The following NUP93 variants were observed in gnomAD, a reference collection of about 807,000 sequenced individuals.
The protein encoded by NUP93 is nuclear pore complex protein Nup93.
NUP93 carries 55 observed loss-of-function variants against 107.8 expected under a neutral mutation model. The observed-to-expected ratio is 0.51, with a 90% CI of 0.41 to 0.64. NUP93 has a LOEUF of 0.64. Among genes scored for constraint, NUP93 ranks in the 30% least tolerant of loss-of-function variants. NUP93 has a pLI of 0.00. For synonymous variants in NUP93, 390 were observed against 397.5 expected (o/e 0.98, Z 0.22); for missense variants, 937 against 1,044.7 (o/e 0.90, Z 1.42).
intron 1 of NUP93, among the ~76,000 whole-genome samples, chr16:56,747,347 T>G (rs1271147211): frequency 6.6e-6 from 1 of 152,208 alleles, no homozygotes; most frequent in Non-Finnish European, 1.5e-5. Flanking sequence ...TAATTAGTGG[T>G]AGGAGTTAAA....
At chr16:56,806,996 C>T (rs748718354) in intron 5 of NUP93, among the ~76,000 whole-genome samples, 1 of 152,212 alleles carries the variant, frequency 6.6e-6, no homozygotes, top group African/African-American at 2.4e-5. Flanking sequence ...GATTGTGTCA[C>T]TTCTCTGCTC....
intron 3 of NUP93, among the ~76,000 whole-genome samples, chr16:56,769,413 C>T (rs1315272412): frequency 6.6e-6 from 1 of 152,062 alleles, no homozygotes; most frequent in Non-Finnish European, 1.5e-5. Flanking sequence ...TGAACTCTTG[C>T]GGAGCGTTGG....
At chr16:56,752,468 T>TG (rs1567376114) in intron 2 of NUP93, among the ~76,000 whole-genome samples, 3 of 152,146 alleles carry the variant, frequency 2.0e-5, no homozygotes, top group African/African-American at 7.2e-5. Flanking sequence ...AGGTAAAAAA[T>TG]GCAGGGTAGA....
chr16:56,805,766 G>T, intron 5 of NUP93, 134 bp downstream of exon 5: 1 of 993,628 alleles, frequency 1.0e-6, no homozygotes, highest in Non-Finnish European at 1.5e-6. Context: ...TTAGCTTTTA[G>T]GATGCCGCAT....
chr16:56,815,908 C>G (rs77636705), intron 5 of NUP93, among the ~76,000 whole-genome samples: 2 of 150,312 alleles, frequency 1.3e-5, no homozygotes, highest in East Asian at 2.0e-4. Context: ...GGTGCTGCTG[C>G]TGCTGCTGGT....
intron 4 of NUP93, among the ~76,000 whole-genome samples, chr16:56,804,735 C>G (rs1262516288): frequency 6.6e-6 from 1 of 151,868 alleles, no homozygotes; most frequent in African/African-American, 2.4e-5. Flanking sequence ...ATGGTGAAAC[C>G]CCGTCTCTAG....
In NUP93 at chr16:56,846,137, T is replaced by G. The variant is rs923434494; in HGVS notation, c.*1528T>G. ...TTAAAAAAGAGTACTCCTGGCCGGG[T>G]GGGGTGGCTCACACCTGTAATCCTA... On this transcript the variant is annotated 3_prime_UTR_variant, in exon 22 of 22. Transcript: ENST00000308159. The G allele has an allele frequency of 6.6e-6, 1 of 152,160 alleles. No individual in the cohort carries two copies. Among genetic ancestry groups the G allele is most frequent in the Non-Finnish European group, 1.5e-5 (1 of 68,036 alleles). 9.4% of individuals were successfully genotyped at this position (152,160 alleles called of 1,614,324 possible).
chr16:56,813,765 T>C (rs1963363174), intron 5 of NUP93, among the ~76,000 whole-genome samples: 1 of 152,260 alleles, frequency 6.6e-6, no homozygotes, highest in South Asian at 2.1e-4. Flanking sequence ...TTTTGCATTA[T>C]GTTTTTTGTT....
intron 10 of NUP93, among the ~76,000 whole-genome samples, chr16:56,831,284 G>A (rs748411404): frequency 2.0e-5 from 3 of 152,144 alleles, no homozygotes; most frequent in Non-Finnish European, 2.9e-5. Context: ...AAATGATGGC[G>A]GTTACTGTAG....
intron 1 of NUP93, among the ~76,000 whole-genome samples, chr16:56,736,047 G>T (rs1961607753): frequency 6.6e-6 from 1 of 152,108 alleles, no homozygotes; most frequent in Admixed American, 6.6e-5. Flanking sequence ...ATCTGTTTAG[G>T]AGCTGGGTGC....
intron 5 of NUP93, among the ~76,000 whole-genome samples, chr16:56,809,529 C>G (rs1171645767): frequency 6.6e-6 from 1 of 151,848 alleles, no homozygotes; most frequent in African/African-American, 2.4e-5. Flanking sequence ...TTTTTTTCCC[C>G]CGAAGTTGTT....
At chr16:56,771,144 G>C (rs894268089) in intron 3 of NUP93, among the ~76,000 whole-genome samples, 1 of 152,152 alleles carries the variant, frequency 6.6e-6, no homozygotes, top group East Asian at 1.9e-4. Context: ...GGAAGATTTA[G>C]GGGGAAGTAA....
Position 56,760,433 on chromosome 16 carries a change from G to A in NUP93, c.297+1778G>A, listed in dbSNP as rs547798985. ...ATATATAAAGAAAGAGGTTCAATTGGCTCACGGTTCTGCAGGCTGTACAAG... is the reference window on the plus strand; with the variant it reads ...ATATATAAAGAAAGAGGTTCAATTGACTCACGGTTCTGCAGGCTGTACAAG... On this transcript the variant is annotated intron_variant, in intron 3 of 21. Transcript: ENST00000308159. 3.3e-5 allele frequency among the ~76,000 whole-genome samples: 5 copies of A among 152,244 alleles called. No individual in the cohort carries two copies. The South Asian group carries it at 1.0e-3, about 32-fold the overall frequency.
chr16:56,837,842 AGTG>A, intron 18 of NUP93, 116 bp downstream of exon 18: 1 of 718,182 alleles, frequency 1.4e-6, no homozygotes, highest in Non-Finnish European at 2.4e-6. Context: ...AGCTTTCCAA[AGTG>A]GTTCTACTAA....
At chr16:56,815,865 A>ACTGCTGCTGCTACTGCTG (rs377305197) in intron 5 of NUP93, among the ~76,000 whole-genome samples, 214 of 147,070 alleles carry the variant, frequency 1.5e-3, no homozygotes, top group East Asian at 0.011. Context: ...TACTACTGCT[A>ACTGCTGCTGCTACTGCTG]CTGCTGCTGC....
At chr16:56,812,257 A>C (rs1291777718) in intron 5 of NUP93, among the ~76,000 whole-genome samples, 1 of 152,132 alleles carries the variant, frequency 6.6e-6, no homozygotes, top group Non-Finnish European at 1.5e-5. Flanking sequence ...TTTCTGAAAC[A>C]TGTTTTTCCC....
intron 3 of NUP93, among the ~76,000 whole-genome samples, chr16:56,777,464 T>C (rs186454381): frequency 3.3e-5 from 5 of 152,202 alleles, no homozygotes; most frequent in African/African-American, 9.6e-5. Flanking sequence ...GAATGAACTG[T>C]AATTTGTTTT....
In NUP93 at chr16:56,837,763, G is replaced by T. The variant is rs780105037; in HGVS notation, c.2018+37G>T. 9 of 1,493,808 alleles carry T rather than the reference G, an allele frequency of 6.0e-6. No individual in the cohort carries two copies. In the South Asian group the frequency reaches 1.0e-4, roughly 17 times the overall value. The allele number at this position is 1,493,808 out of a possible 1,614,324, so 92.5% of individuals were successfully genotyped here. A position where few individuals can be genotyped will look rare whatever the true frequency, so the allele number is the denominator to read the frequency against. On this transcript the variant is annotated intron_variant, in intron 18 of 21. Coordinates refer to ENST00000308159, the MANE Select transcript of NUP93 (RefSeq NM_014669.5). ...GCTGGCTCCATGGGACCCTGAGGGTGCCACTGCCAGTGCCAGGCCACCTAT... is the reference window on the plus strand; with the variant it reads ...GCTGGCTCCATGGGACCCTGAGGGTTCCACTGCCAGTGCCAGGCCACCTAT...
At chr16:56,736,258 G>A (rs78741178) in intron 1 of NUP93, among the ~76,000 whole-genome samples, 5,228 of 152,210 alleles carry the variant, frequency 0.034, 122 homozygotes, top group East Asian at 0.075. Flanking sequence ...GCTTGAAACC[G>A]GGAGGTGGAG....
Sources: allele counts gnomAD v4.1 joint callset (sites outside exome capture counted in the v4.1 genomes callset), GRCh38; gene constraint gnomAD v4.1.1; transcripts MANE v1.5; gene names NCBI Gene and HGNC (gene_info 2026-07-23, HGNC 2026-07-21).